SCN10A: variants seen among roughly 807,000 people sequenced by gnomAD.
SCN10A encodes sodium voltage-gated channel alpha subunit 10.
Under a neutral mutation model 170.7 loss-of-function variants are expected in SCN10A, and 162 were observed. The ratio of observed to expected loss-of-function variants is 0.95; its 90% CI spans 0.84 to 1.08. The LOEUF (loss-of-function observed/expected upper bound fraction) is 1.08. Ranked by LOEUF, SCN10A falls within the 50% of genes least tolerant of loss-of-function variation. The pLI, the probability that SCN10A is intolerant of heterozygous loss-of-function variation, is 0.00. For missense variants in SCN10A, 2,527 were observed against 2,436.9 expected (o/e 1.04, Z -0.78); for synonymous variants, 985 against 904.6 (o/e 1.09, Z -1.59).
At chr3:38,811,402 G>A (rs971954851) in intron 1 of SCN10A, among the ~76,000 whole-genome samples, 2 of 148,372 alleles carry the variant, frequency 1.3e-5, no homozygotes, top group African/African-American at 2.5e-5. Context: ...GCAGTGAGCC[G>A]ATATTGTACC....
In SCN10A at chr3:38,757,032, G is replaced by A. The variant is rs773808340; in HGVS notation, c.1078C>T (p.Arg360Cys). Residue 360 changes from arginine (R) to cysteine (C), a missense_variant, in exon 9 of 28, where the codon CGC becomes TGC. Coordinates refer to ENST00000449082, the MANE Select transcript of SCN10A (RefSeq NM_006514.4). ...FRLMTQDSWE[R>C]LYQQTLRTSG... ...CAGCTCAGTACCTGCTGGTAGAGGC[G>A]TTCCCAGGAATCCTGTGTCATGAGG... 1.6e-5 allele frequency: 26 copies of A among 1,610,930 alleles called. No individual in the cohort carries two copies. Among genetic ancestry groups the A allele is most frequent in the African/African-American group, 2.7e-5 (2 of 74,792 alleles).
intron 21 of SCN10A, among the ~76,000 whole-genome samples, chr3:38,718,336 G>A (rs979854184): frequency 2.6e-5 from 4 of 152,204 alleles, no homozygotes; most frequent in African/African-American, 9.6e-5. Context: ...CCCATCTATG[G>A]ATGCAGGGCC....
intron 13 of SCN10A, among the ~76,000 whole-genome samples, chr3:38,748,498 G>A (rs2063715213): frequency 6.6e-6 from 1 of 152,176 alleles, no homozygotes; most frequent in Non-Finnish European, 1.5e-5. Flanking sequence ...ATCTGAGTCT[G>A]TGTCTGAGTT....
At chr3:38,808,131 T>C (rs564861547) in intron 1 of SCN10A, among the ~76,000 whole-genome samples, 1 of 152,250 alleles carries the variant, frequency 6.6e-6, no homozygotes, top group Admixed American at 6.5e-5. Flanking sequence ...TCCCTGCCCA[T>C]CACCTCCTTG....
At chr3:38,782,234 T>C (rs1055477469) in intron 4 of SCN10A, among the ~76,000 whole-genome samples, 27 of 152,256 alleles carry the variant, frequency 1.8e-4, no homozygotes, top group African/African-American at 6.3e-4. Flanking sequence ...TCACATGTTC[T>C]TTCCTCTTTC....
intron 6 of SCN10A, among the ~76,000 whole-genome samples, chr3:38,762,360 A>G (rs532442522): frequency 1.2e-4 from 19 of 152,130 alleles, no homozygotes; most frequent in Non-Finnish European, 2.6e-4. Context: ...CTGAAGTTCC[A>G]GAGGTGGGAA....
At chr3:38,723,659 G>A in intron 18 of SCN10A, 106 bp from the exon 19 acceptor site, 1 of 1,328,314 alleles carries the variant, frequency 7.5e-7, no homozygotes, top group Non-Finnish European at 1.0e-6. Flanking sequence ...TGCCTCGCCA[G>A]CTGAGGCCTG....
intron 15 of SCN10A, among the ~76,000 whole-genome samples, chr3:38,730,042 T>C (rs1368513005): frequency 6.6e-6 from 1 of 152,122 alleles, no homozygotes; most frequent in Non-Finnish European, 1.5e-5. Context: ...AGGCAGCTGA[T>C]AAACACAAAT....
At chr3:38,733,357 C>T (rs1473239132) in intron 15 of SCN10A, among the ~76,000 whole-genome samples, 1 of 152,000 alleles carries the variant, frequency 6.6e-6, no homozygotes, top group African/African-American at 2.4e-5. Context: ...AGAAATAAAC[C>T]TTTATTGGGG....
chr3:38,719,822 G>T (rs1002200319), intron 20 of SCN10A, among the ~76,000 whole-genome samples: 3 of 152,218 alleles, frequency 2.0e-5, no homozygotes, highest in Non-Finnish European at 4.4e-5. Context: ...GACACTGGAG[G>T]CTGTTGGTGC....
In SCN10A at chr3:38,782,636, C is replaced by T. The variant is rs116371612; in HGVS notation, c.470+6320G>A. Among the ~76,000 whole-genome samples, 696 of 152,070 alleles carry T rather than the reference C, an allele frequency of 4.6e-3. 6 individuals are homozygous for T. Among genetic ancestry groups the T allele is most frequent in the African/African-American group, 0.015 (638 of 41,516 alleles). On this transcript the variant is annotated intron_variant, in intron 4 of 27. Coordinates refer to ENST00000449082, the MANE Select transcript of SCN10A (RefSeq NM_006514.4). The stretch of plus-strand genomic sequence containing the variant: ...CAAAAAAATGTTTTACATTAAAACT[C>T]CAAAAGAAGCATAGACATTTTACAT...
At chr3:38,751,835 G>A (rs928918783) in intron 12 of SCN10A, among the ~76,000 whole-genome samples, 2 of 152,172 alleles carry the variant, frequency 1.3e-5, no homozygotes, top group African/African-American at 4.8e-5. Flanking sequence ...GCCCAGCCTA[G>A]AAGAGTTTGC....
rs574251268 is a variant in SCN10A at position 38,705,593 on chromosome 3, T to A, written c.4386+1686A>T. 9.8e-5 allele frequency among the ~76,000 whole-genome samples: 15 copies of A among 152,308 alleles called. No homozygotes were observed. In the South Asian group the frequency reaches 3.1e-3, roughly 32 times the overall value. ...CTCTCCAGGGTCCCTTTTTGAAATATGATTTATCTTGTCCTAAGAATGTTG... is the reference window on the plus strand; with the variant it reads ...CTCTCCAGGGTCCCTTTTTGAAATAAGATTTATCTTGTCCTAAGAATGTTG... On this transcript the variant is annotated intron_variant, in intron 26 of 27. Coordinates refer to ENST00000449082, the MANE Select transcript of SCN10A (RefSeq NM_006514.4).
At chr3:38,803,713 G>T (rs1016034096) in intron 1 of SCN10A, among the ~76,000 whole-genome samples, 1 of 151,658 alleles carries the variant, frequency 6.6e-6, no homozygotes, top group Non-Finnish European at 1.5e-5. Flanking sequence ...ACGAGTTAAT[G>T]GGTGCAGCAC....
chr3:38,791,410 T>G (rs1021548607), intron 3 of SCN10A, among the ~76,000 whole-genome samples: 3 of 152,196 alleles, frequency 2.0e-5, no homozygotes, highest in Non-Finnish European at 4.4e-5. Context: ...GACCAATGTG[T>G]CTCTAATCAT....
intron 5 of SCN10A, among the ~76,000 whole-genome samples, chr3:38,765,691 T>C (rs1189458187): frequency 6.6e-6 from 1 of 152,212 alleles, no homozygotes; most frequent in Non-Finnish European, 1.5e-5. Context: ...AGTCTTGCTT[T>C]GGCTATGTGG....
chr3:38,717,295 G>T (rs1427234631), intron 21 of SCN10A, among the ~76,000 whole-genome samples: 2 of 152,044 alleles, frequency 1.3e-5, no homozygotes, highest in African/African-American at 2.4e-5. Context: ...GATACAAAAG[G>T]TGAAATGTAT....
intron 15 of SCN10A, among the ~76,000 whole-genome samples, chr3:38,732,909 A>G (rs1559430675): frequency 6.6e-6 from 1 of 152,216 alleles, no homozygotes; most frequent in Non-Finnish European, 1.5e-5. Context: ...TACTGCTTCT[A>G]GATTCCAGGC....
intron 1 of SCN10A, among the ~76,000 whole-genome samples, chr3:38,805,855 C>G (rs2064401649): frequency 1.3e-5 from 2 of 152,182 alleles, no homozygotes; most frequent in Non-Finnish European, 2.9e-5. Flanking sequence ...CCTTGCTTAA[C>G]TGAATCACCT....
Sources: gnomAD v4.1 joint callset for allele counts (sites outside exome capture counted in the v4.1 genomes callset) on GRCh38, gnomAD v4.1.1 for gene constraint, MANE v1.5 for transcripts, NCBI Gene and HGNC (gene_info 2026-07-23, HGNC 2026-07-21) for gene names.